The following CHRNA2 variants were observed in gnomAD, a reference collection of about 807,000 sequenced individuals.
CHRNA2 encodes the protein cholinergic receptor nicotinic alpha 2 subunit.
A neutral mutation model predicts 45.5 loss-of-function variants in CHRNA2; 40 were observed. The ratio of observed to expected loss-of-function variants is 0.88; its 90% CI spans 0.68 to 1.15. CHRNA2 has a LOEUF of 1.15. Ranked by LOEUF, CHRNA2 falls within the 50% of genes most tolerant of loss-of-function variation. The pLI is 0.00. For synonymous variants in CHRNA2, 301 were observed against 296.7 expected (o/e 1.01, Z -0.15); for missense variants, 655 against 701.7 (o/e 0.93, Z 0.75).
intron 4 of CHRNA2, among the ~76,000 whole-genome samples, chr8:27,468,432 G>A (rs898890021): frequency 2.6e-5 from 4 of 152,236 alleles, no homozygotes; most frequent in East Asian, 1.9e-4. Flanking sequence ...CGACCTAAGC[G>A]GGATCTGTGC....
chr8:27,461,502 G>T lies in CHRNA2; in HGVS notation c.*127C>A. The T allele has an allele frequency of 1.5e-6, 2 of 1,311,710 alleles. No individual in the cohort carries two copies. The highest frequency in any genetic ancestry group is 2.1e-6 in the Non-Finnish European group (2 of 933,914). The allele number at this position is 1,311,710 out of a possible 1,614,324, so 81.3% of individuals were successfully genotyped here. A position where few individuals can be genotyped will look rare whatever the true frequency, so the allele number is the denominator to read the frequency against. ...CTGGATGGAAGCCTGCAATCCCTGGGTCAGTGTCCAGACTCCGCGGAGAGG... is the reference window on the plus strand; with the variant it reads ...CTGGATGGAAGCCTGCAATCCCTGGTTCAGTGTCCAGACTCCGCGGAGAGG... On this transcript the variant is annotated 3_prime_UTR_variant, in exon 7 of 7. Transcript: ENST00000407991.
At chr8:27,467,201 T>TC (rs989910987) in intron 5 of CHRNA2, 28 bp downstream of exon 5, 5 of 1,581,074 alleles carry the variant, frequency 3.2e-6, no homozygotes, top group Admixed American at 1.7e-5. Context: ...CCTCCCCTCA[T>TC]CCCCCCAGGA....
chr8:27,470,339 A>T (rs1041748503), intron 2 of CHRNA2, among the ~76,000 whole-genome samples: 2 of 152,042 alleles, frequency 1.3e-5, no homozygotes, highest in African/African-American at 4.8e-5. Flanking sequence ...CTGCAGGGAG[A>T]AGGGCTCTGG....
intron 1 of CHRNA2, among the ~76,000 whole-genome samples, chr8:27,473,397 G>A (rs1812951947): frequency 6.6e-6 from 1 of 152,114 alleles, no homozygotes; most frequent in Admixed American, 6.6e-5. Flanking sequence ...GGTAAAAGTG[G>A]CTTTAAAAAT....
At position 27,463,791 on chromosome 8, in the gene CHRNA2, G is replaced by T. The variant is rs201279312; in HGVS notation, c.652C>A (p.Gln218Lys). ...KAKIDLEQME[Q>K]TVDLKDYWES... ...CAGTAGTCCTTCAGGTCCACAGTCT[G>T]CTCCATCTGCTCCAGGTCGATCTTG... Residue 218 changes from glutamine (Q) to lysine (K), a missense_variant, in exon 6 of 7, where the codon CAG (glutamine) becomes AAG (lysine). Gln to Lys is a moderately conservative substitution (Grantham distance 53, BLOSUM62 1). Coordinates refer to ENST00000407991, the MANE Select transcript of CHRNA2 (RefSeq NM_000742.4). This position sits in a 1 kb window ranked among gnomAD's most constrained non-coding sequence, Gnocchi z 6.1. 3.7e-6 allele frequency: 6 copies of T among 1,614,162 alleles called. No homozygotes were observed. In the Admixed American group the frequency reaches 6.7e-5, roughly 18 times the overall value.
rs981468883 is a variant in CHRNA2, at chr8:27,461,534, C to T, written c.*95G>A. The T allele has an allele frequency of 1.9e-6, 3 of 1,565,498 alleles. No individual in the cohort carries two copies. The highest frequency in any genetic ancestry group is 2.6e-6 in the Non-Finnish European group (3 of 1,141,130). ...TCCAGACTCCGCGGAGAGGCACCTG[C>T]TCATCCCAAAGGGGACACCAGAGGC... On this transcript the variant is annotated 3_prime_UTR_variant, in exon 7 of 7. Coordinates refer to ENST00000407991, the MANE Select transcript of CHRNA2 (RefSeq NM_000742.4).
chr8:27,476,904 A>T (rs1032988351), intron 1 of CHRNA2, among the ~76,000 whole-genome samples: 7 of 152,098 alleles, frequency 4.6e-5, no homozygotes, highest in Non-Finnish European at 1.5e-5. Context: ...TTTCAGGTTT[A>T]CAAGGTACTT....
intron 1 of CHRNA2, among the ~76,000 whole-genome samples, chr8:27,474,497 C>G (rs1813000574): frequency 6.6e-6 from 1 of 152,206 alleles, no homozygotes; most frequent in Non-Finnish European, 1.5e-5. Flanking sequence ...CGGTTCCTTC[C>G]TGGCTCTGAA....
chr8:27,476,850 A>T (rs1234684057), intron 1 of CHRNA2, among the ~76,000 whole-genome samples: 1 of 152,154 alleles, frequency 6.6e-6, no homozygotes, highest in Non-Finnish European at 1.5e-5. Flanking sequence ...CCTTGATGTT[A>T]ATTCCTAAAA....
intron 2 of CHRNA2, 108 bp from the exon 3 acceptor site, chr8:27,470,089 A>T: frequency 9.5e-7 from 1 of 1,049,756 alleles, no homozygotes; most frequent in Non-Finnish European, 1.4e-6. Context: ...AAGATGGCAG[A>T]TGATAATGTC....
At chr8:27,464,099 G>A (rs954183858) in intron 5 of CHRNA2, 106 bp from the exon 6 acceptor site, 10 of 1,284,196 alleles carry the variant, frequency 7.8e-6, no homozygotes, top group African/African-American at 2.9e-5. Context: ...AGTCAGACCC[G>A]GCCACACTGG....
intron 1 of CHRNA2, among the ~76,000 whole-genome samples, chr8:27,474,549 ATATG>A (rs33930869): frequency 0.72 from 109,533 of 151,380 alleles, 39,695 homozygotes; most frequent in East Asian, 0.83. Flanking sequence ...GGTTCCCAGT[ATATG>A]TATGGAATGA....
rs1812812900 is a variant in CHRNA2 at position 27,469,773 on chromosome 8, C to T, written c.282G>A (p.Gln94=). The change falls in exon 3 of 7, where the codon CAG becomes CAA. Residue 94 remains glutamine, a synonymous_variant. Coordinates refer to ENST00000407991, the MANE Select transcript of CHRNA2 (RefSeq NM_000742.4). The part of the protein sequence containing the change: ...VIVRFGLSIA[Q]LIDVDEKNQM... ...AAGACAGGCGCACCACATCGATGAG[C>T]TGAGCGATGGACAGTCCAAAGCGCA... is the stretch of plus-strand genomic sequence containing the variant. 1 of 1,614,064 alleles carries T rather than the reference C, an allele frequency of 6.2e-7. No individual in the cohort carries two copies. The highest frequency in any genetic ancestry group is 1.3e-5 in the African/African-American group (1 of 74,926).
chr8:27,473,601 G>C (rs911410982), intron 1 of CHRNA2, among the ~76,000 whole-genome samples: 1 of 151,184 alleles, frequency 6.6e-6, no homozygotes, highest in Non-Finnish European at 1.5e-5. Context: ...CAGCTACTGG[G>C]AAGGCCAAGA....
At chr8:27,473,529 C>CT (rs112339518) in intron 1 of CHRNA2, among the ~76,000 whole-genome samples, 4 of 123,414 alleles carry the variant, frequency 3.2e-5, no homozygotes, top group East Asian at 3.0e-4. Context: ...GTGAGACCCC[C>CT]CCCGCCGTCT....
In CHRNA2 at chr8:27,470,152, G is replaced by T. The variant is rs1055618281; in HGVS notation, c.74-171C>A. On this transcript the variant is annotated intron_variant, in intron 2 of 6. Coordinates refer to ENST00000407991, the MANE Select transcript of CHRNA2 (RefSeq NM_000742.4). ...GCTGCGGGGTCGGAGCTCAGGAAAG[G>T]TCAGCTGTTTTGTGATGTTAGAGAA... The T allele has an allele frequency of 3.6e-5, 25 of 702,452 alleles. No homozygotes were observed. The African/African-American group carries it at 4.4e-4, about 12-fold the overall frequency. 43.5% of individuals were successfully genotyped at this position (702,452 alleles called of 1,614,324 possible).
chr8:27,462,314 A>T (rs1743829580), intron 6 of CHRNA2, among the ~76,000 whole-genome samples: 1 of 152,210 alleles, frequency 6.6e-6, no homozygotes, highest in South Asian at 2.1e-4. Flanking sequence ...TTGTCTGTTC[A>T]TCAAGGCCAC....
chr8:27,470,265 C>A (rs765867234), intron 2 of CHRNA2, among the ~76,000 whole-genome samples: 1 of 152,054 alleles, frequency 6.6e-6, no homozygotes, highest in Non-Finnish European at 1.5e-5. Flanking sequence ...CAAGATTCAG[C>A]CCCATATGGA....
rs762282272 is a variant in CHRNA2 at position 27,463,338 on chromosome 8, C to T, written c.1105G>A (p.Ala369Thr). 5.0e-6 allele frequency: 8 copies of T among 1,613,750 alleles called. No individual in the cohort carries two copies. Among genetic ancestry groups the T allele is most frequent in the Non-Finnish European group, 5.9e-6 (7 of 1,179,964 alleles). Residue 369 changes from alanine to threonine, a missense_variant, in exon 6 of 7, where the codon GCC becomes ACC. Around this residue, in one of 3 missense-constraint regions of CHRNA2, gnomAD observed 295 missense variants for 280.4 expected, o/e 1.05. Transcript: ENST00000407991. The surrounding 1 kb of genome is among the most constrained non-coding windows in gnomAD (Gnocchi z 6.1). ...CACCGGGGCACACAGCCCAGAAGGG[C>T]CCCCCGCACCCAGTGGGGCATGGTG... ...THTMPHWVRG[A>T]LLGCVPRWLL...
Sources: allele counts gnomAD v4.1 joint callset (sites outside exome capture counted in the v4.1 genomes callset), GRCh38; gene constraint gnomAD v4.1.1; regional missense constraint gnomAD v4.1.1; non-coding constraint Gnocchi (gnomAD v3.1); transcripts MANE v1.5; gene names NCBI Gene and HGNC (gene_info 2026-07-23, HGNC 2026-07-21).